The following DST variants were observed in gnomAD, a reference collection of about 807,000 sequenced individuals.
DST encodes the protein bullous pemphigoid antigen.
In DST, 253 loss-of-function variants were observed where a neutral mutation model predicts 875.2. The ratio of observed to expected loss-of-function variants is 0.29; its 90% CI spans 0.26 to 0.32. DST has a LOEUF of 0.32. Ranked by LOEUF, DST falls within the 10% of genes least tolerant of loss-of-function variation. The probability of loss-of-function intolerance (pLI) is 1.00; values close to 1 mark genes in which losing one functional copy is unlikely to be tolerated. For missense variants in DST, 8,287 were observed against 9,111.6 expected, an observed-to-expected ratio of 0.91 and a Z score of 3.68; for synonymous variants, 3,124 against 3,197.1, an observed-to-expected ratio of 0.98 and a Z score of 0.77.
intron 2 of DST, among the ~76,000 whole-genome samples, chr6:56,913,778 G>A (rs765832027): frequency 4.9e-4 from 75 of 152,306 alleles, no homozygotes; most frequent in Non-Finnish European, 3.7e-4. Flanking sequence ...CCCTCTGGCA[G>A]CCGTGTCTAC....
At chr6:56,798,484 T>A (rs147287158) in intron 4 of DST, among the ~76,000 whole-genome samples, 1 of 152,300 alleles carries the variant, frequency 6.6e-6, no homozygotes, top group East Asian at 1.9e-4. Context: ...ACTATTGAGA[T>A]TGCTCAGAAA....
rs759822873 is a variant in DST, at chr6:56,552,741, C to T, written c.16051G>A (p.Asp5351Asn). The change falls in exon 61 of 104, where the codon GAT becomes AAT. Residue 5351 changes from aspartate to asparagine, a missense_variant. By Grantham distance (23) the Asp-to-Asn change is conservative (BLOSUM62 1). Transcript: ENST00000680361. ...ATGGTTTCCACTTGTAATAAAACATCAGAGGTTCCCTTTGAGTCTGAGGCC... is the reference window on the plus strand; with the variant it reads ...ATGGTTTCCACTTGTAATAAAACATTAGAGGTTCCCTTTGAGTCTGAGGCC... ...VEASDSKGTSDVLLQVETIAQ... is the reference protein window; with the variant it reads ...VEASDSKGTSNVLLQVETIAQ... 1.2e-6 allele frequency: 2 copies of T among 1,611,424 alleles called. No homozygotes were observed. Among genetic ancestry groups the T allele is most frequent in the African/African-American group, 1.3e-5 (1 of 74,928 alleles).
chr6:56,876,657 G>A (rs1161503043), intron 3 of DST, among the ~76,000 whole-genome samples: 1 of 152,164 alleles, frequency 6.6e-6, no homozygotes, highest in South Asian at 2.1e-4. Context: ...AATTCTAAAT[G>A]GCTGAAATGT....
At chr6:56,617,910 A>C in intron 36 of DST, 1 of 1,278,648 alleles carries the variant, frequency 7.8e-7, no homozygotes, top group African/African-American at 1.5e-5. Flanking sequence ...TTAAAAATTT[A>C]GTCTAGGAGA....
chr6:56,938,863 C>T (rs1306187953), intron 2 of DST, among the ~76,000 whole-genome samples: 2 of 152,340 alleles, frequency 1.3e-5, no homozygotes, highest in East Asian at 3.9e-4. Context: ...CAGAGCTCAT[C>T]AAAGATACCT....
intron 10 of DST, among the ~76,000 whole-genome samples, chr6:56,669,523 G>C (rs1426394618): frequency 6.6e-6 from 1 of 151,546 alleles, no homozygotes; most frequent in Non-Finnish European, 1.5e-5. Context: ...TTGAACCTGG[G>C]AGGTGGAGGC....
chr6:56,922,862 A>AT (rs2127743552), intron 2 of DST, among the ~76,000 whole-genome samples: 1 of 152,322 alleles, frequency 6.6e-6, no homozygotes, highest in African/African-American at 2.4e-5. Context: ...CAGTTTAGCA[A>AT]TTATAATGGG....
Position 56,570,016 on chromosome 6 carries a change from C to T in DST, c.13722-4G>A, listed in dbSNP as rs190649369. The T allele has an allele frequency of 5.6e-5, 88 of 1,563,002 alleles. No homozygotes were observed. The East Asian group carries it at 1.7e-3, about 30-fold the overall frequency. ...ACAAGAAGTTACAGCTTCTTTTCTA[C>T]ATAACAAAAATCATACAAGAATTTA... On this transcript the variant is annotated splice_region_variant and splice_polypyrimidine_tract_variant and intron_variant, in intron 53 of 103. Coordinates refer to ENST00000680361, the MANE Select transcript of DST (RefSeq NM_001374736.1).
rs753122895 is a variant in DST, at chr6:56,553,633, C to T, written c.15159G>A (p.Gln5053=). 1.9e-6 allele frequency: 3 copies of T among 1,613,258 alleles called. No individual in the cohort carries two copies. The highest frequency in any genetic ancestry group is 2.2e-5 in the East Asian group (1 of 44,878). ...ATTGATGAGAGCTTGCACAGGCCGA[C>T]TGAAGGTGCTGGACATGATTCTCTA... ...QKAENHVQHL[Q]SACASSHQFQ... The change falls in exon 61 of 104, where the codon CAG becomes CAA. Residue 5053 remains glutamine (Q), a synonymous_variant. Coordinates refer to ENST00000680361, the MANE Select transcript of DST (RefSeq NM_001374736.1).
chr6:56,881,828 A>G (rs538302807), intron 3 of DST, among the ~76,000 whole-genome samples: 1 of 152,322 alleles, frequency 6.6e-6, no homozygotes, highest in South Asian at 2.1e-4. Flanking sequence ...GGAAGAATTC[A>G]AGCCTGACTA....
intron 3 of DST, chr6:56,871,776 T>TAAAA (rs746142378): frequency 6.3e-5 from 6 of 95,508 alleles, no homozygotes; most frequent in East Asian, 2.4e-4. Context: ...CAATTAAAAG[T>TAAAA]AAAAAAAAAA....
intron 67 of DST, 32 bp from the exon 68 acceptor site, chr6:56,527,766 A>C: frequency 6.4e-7 from 1 of 1,564,364 alleles, no homozygotes; most frequent in Non-Finnish European, 8.7e-7. Context: ...ATTTCTTATG[A>C]AGGAAAAAAA....
chr6:56,648,874 T>C (rs951238141), intron 12 of DST, among the ~76,000 whole-genome samples, 185 bp from the exon 13 acceptor site: 1 of 152,200 alleles, frequency 6.6e-6, no homozygotes, highest in Non-Finnish European at 1.5e-5. Flanking sequence ...TAAAATTTGC[T>C]ATCAACATTT....
At chr6:56,704,554 T>C (rs1164928510) in intron 5 of DST, among the ~76,000 whole-genome samples, 185 bp from the exon 6 acceptor site, 2 of 152,248 alleles carry the variant, frequency 1.3e-5, no homozygotes, top group East Asian at 3.8e-4. Flanking sequence ...AAAAAGTGAA[T>C]TTCAGATTAA....
chr6:56,826,200 A>G (rs1306272298), intron 4 of DST, among the ~76,000 whole-genome samples: 1 of 152,194 alleles, frequency 6.6e-6, no homozygotes, highest in African/African-American at 2.4e-5. Context: ...ATAATGGCCC[A>G]CCTCAGCCAT....
intron 45 of DST, among the ~76,000 whole-genome samples, chr6:56,599,748 G>A (rs1252455903): frequency 6.6e-6 from 1 of 152,072 alleles, no homozygotes; most frequent in Non-Finnish European, 1.5e-5. Context: ...CCTCTGATTT[G>A]CAAGTAGTAA....
intron 49 of DST, among the ~76,000 whole-genome samples, chr6:56,580,994 CA>C (rs1264585260): frequency 6.8e-6 from 1 of 146,166 alleles, no homozygotes; most frequent in Non-Finnish European, 1.5e-5. Flanking sequence ...CTCGGCCGTC[CA>C]AAGTGCTGGG....
chr6:56,814,206 AT>A (rs888620707), intron 4 of DST, among the ~76,000 whole-genome samples: 4 of 152,210 alleles, frequency 2.6e-5, no homozygotes, highest in African/African-American at 9.6e-5. Flanking sequence ...AAATTACTTC[AT>A]TTTTAAAATA....
At chr6:56,851,916 T>G in intron 3 of DST, 2 of 1,540,720 alleles carry the variant, frequency 1.3e-6, no homozygotes, top group Non-Finnish European at 1.8e-6. Context: ...GGCCCAACAA[T>G]GAAGCCAGAA....
Sources: gnomAD v4.1 joint callset for allele counts (sites outside exome capture counted in the v4.1 genomes callset) on GRCh38, gnomAD v4.1.1 for gene constraint, MANE v1.5 for transcripts, NCBI Gene and HGNC (gene_info 2026-07-23, HGNC 2026-07-21) for gene names.